The following ODAD4 variants were observed in gnomAD, a reference collection of about 807,000 sequenced individuals.
The protein encoded by ODAD4 is outer dynein arm-docking complex subunit 4.
ODAD4 carries 49 observed loss-of-function variants against 51.8 expected under a neutral mutation model. The ratio of observed to expected loss-of-function variants is 0.95; its 90% CI spans 0.75 to 1.20. The LOEUF (loss-of-function observed/expected upper bound fraction) is 1.20, where lower values mean the gene tolerates loss of function less well. ODAD4 is among the 50% of genes most tolerant of loss of function. The probability of loss-of-function intolerance (pLI) is 0.00; values close to 1 mark genes in which losing one functional copy is unlikely to be tolerated. For synonymous variants in ODAD4, 235 were observed against 221.3 expected (o/e 1.06, Z -0.55); for missense variants, 590 against 586.5 (o/e 1.01, Z -0.06).
chr17:41,930,954 C>T, intron 1 of ODAD4, 117 bp downstream of exon 1: 1 of 599,694 alleles, frequency 1.7e-6, no homozygotes, highest in South Asian at 2.0e-5. Context: ...AGTGCAATGG[C>T]ACGATCTCGG....
chr17:41,935,720 C>T lies in ODAD4; in HGVS notation c.368C>T (p.Ala123Val), dbSNP rs782427965. ...DREFRVGIQK[A>V]QEAINNSVGS... The stretch of plus-strand genomic sequence containing the variant: ...GAATTCAGAGTTGGCATTCAGAAAG[C>T]CCAGGAAGCCATCAACAACTCAGTG... Residue 123 changes from alanine (A) to valine (V), a missense_variant, in exon 3 of 12, where the codon GCC (alanine) becomes GTC (valine). This residue lies in a region of ODAD4 where 360 missense variants were observed against 407.5 expected (regional missense o/e 0.88). Transcript: ENST00000377540. The T allele has an allele frequency of 3.1e-6, 5 of 1,613,936 alleles. No homozygotes were observed. In the South Asian group the frequency reaches 5.5e-5, roughly 18 times the overall value.
chr17:41,962,253 C>T (rs2050815304), intron 11 of ODAD4, among the ~76,000 whole-genome samples: 1 of 152,158 alleles, frequency 6.6e-6, no homozygotes. Flanking sequence ...CCCCACTCTC[C>T]CCACCTGCGG....
chr17:41,947,146 G>C (rs982542920), intron 8 of ODAD4, among the ~76,000 whole-genome samples: 1 of 151,112 alleles, frequency 6.6e-6, no homozygotes, highest in South Asian at 2.1e-4. Flanking sequence ...CACTGTGCCC[G>C]GGTGTGCATT....
In ODAD4 at chr17:41,961,460, G is replaced by A. The variant is rs782647415; in HGVS notation, c.1522G>A (p.Glu508Lys). The A allele has an allele frequency of 8.3e-6, 6 of 726,652 alleles. No homozygotes were observed. Among genetic ancestry groups the A allele is most frequent in the East Asian group, 2.6e-5 (1 of 37,980 alleles). The allele number at this position is 726,652 out of a possible 1,614,324, so 45.0% of individuals were successfully genotyped here. Reference sequence around the variant, plus strand: ...CGTGGAGAATCTCAAAGAAAAAAGCGAGGGAGGTGAGTTCCTGAAACTCTG... The same window carrying A: ...CGTGGAGAATCTCAAAGAAAAAAGCAAGGGAGGTGAGTTCCTGAAACTCTG... The part of the protein sequence containing the change: ...NYVENLKEKS[E>K]GEASLYEDRI... The change falls in exon 11 of 12, where the codon GAG (glutamate) becomes AAG (lysine). Residue 508 changes from glutamate to lysine, a missense_variant. Around this residue, in one of 3 missense-constraint regions of ODAD4, gnomAD observed 226 missense variants for 162.7 expected, o/e 1.39. Transcript: ENST00000377540.
At chr17:41,937,295 G>T (rs1021473877) in intron 5 of ODAD4, among the ~76,000 whole-genome samples, 1 of 152,162 alleles carries the variant, frequency 6.6e-6, no homozygotes, top group Non-Finnish European at 1.5e-5. Context: ...GGAATCCAGC[G>T]GATATGTGCT....
At chr17:41,935,560 C>T (rs1555637622) in intron 2 of ODAD4, 39 bp from the exon 3 acceptor site, 1 of 1,592,170 alleles carries the variant, frequency 6.3e-7, no homozygotes, top group Admixed American at 1.8e-5. Context: ...CCTATAAGGC[C>T]TTATCTGTTC....
At chr17:41,941,887 G>A (rs2050512287) in intron 7 of ODAD4, among the ~76,000 whole-genome samples, 1 of 152,194 alleles carries the variant, frequency 6.6e-6, no homozygotes, top group Non-Finnish European at 1.5e-5. Flanking sequence ...TTGGACTTTG[G>A]AAGGTGCTAT....
At chr17:41,952,540 C>CAAAA (rs11369140) in intron 9 of ODAD4, 138 of 113,792 alleles carry the variant, frequency 1.2e-3, no homozygotes, top group Middle Eastern at 3.8e-3. Flanking sequence ...ACCCTCACTC[C>CAAAA]AAAAAAAAAA....
rs782039270 is a variant in ODAD4, at chr17:41,934,038, C to CTTTTTTTTT, written c.115-1166_115-1158dup. Among the ~76,000 whole-genome samples, 355 of 65,530 alleles carry CTTTTTTTTT rather than the reference C, an allele frequency of 5.4e-3. 1 individual carries two copies. Among genetic ancestry groups the CTTTTTTTTT allele is most frequent in the East Asian group, 6.9e-3 (14 of 2,030 alleles). 43.0% of individuals were successfully genotyped at this position (65,530 alleles called of 152,430 possible). On this transcript the variant is annotated intron_variant, in intron 1 of 11. Coordinates refer to ENST00000377540, the MANE Select transcript of ODAD4 (RefSeq NM_031421.5). ...CCCTTTCTTTCTTTTTTCTTTCTTTCTTTTTTTTTTTTTTTTTTTTTGAGA... is the reference window on the plus strand; with the variant it reads ...CCCTTTCTTTCTTTTTTCTTTCTTTCTTTTTTTTTTTTTTTTTTTTTTTTTTTTTTGAGA...
At chr17:41,946,887 G>T (rs1182311590) in intron 8 of ODAD4, among the ~76,000 whole-genome samples, 17 of 150,164 alleles carry the variant, frequency 1.1e-4, no homozygotes, top group African/African-American at 4.2e-4. Flanking sequence ...GTCTCGCTCT[G>T]TCCCCCACGC....
chr17:41,936,578 G>C (rs2050431154), intron 4 of ODAD4, 44 bp downstream of exon 4: 1 of 1,571,932 alleles, frequency 6.4e-7, no homozygotes, highest in Non-Finnish European at 8.8e-7. Context: ...AAGGGAAGAG[G>C]CTATGTGTGC....
chr17:41,942,690 G>A (rs902214297), intron 7 of ODAD4, among the ~76,000 whole-genome samples: 4 of 152,110 alleles, frequency 2.6e-5, no homozygotes, highest in African/African-American at 7.2e-5. Flanking sequence ...GGGACCTTGG[G>A]CAGGGCAGAA....
rs140105127 is a variant in ODAD4 at position 41,952,365 on chromosome 17, CAAAAAAAAA to C, written c.1343-2838_1343-2830del. Among the ~76,000 whole-genome samples the C allele has an allele frequency of 7.8e-4, 68 of 87,222 alleles. 1 individual carries two copies. Among genetic ancestry groups the C allele is most frequent in the African/African-American group, 3.0e-3 (63 of 20,674 alleles). The allele number at this position is 87,222 out of a possible 152,430, so 57.2% of individuals were successfully genotyped here. A position where few individuals can be genotyped will look rare whatever the true frequency, so the allele number is the denominator to read the frequency against. On this transcript the variant is annotated intron_variant, in intron 9 of 11. Coordinates refer to ENST00000377540, the MANE Select transcript of ODAD4 (RefSeq NM_031421.5). ...TCCAGGCGACTATGAGACTCTGTAT[CAAAAAAAAA>C]AAAAAAAAAAAAATTAGCTGAGTGT...
At chr17:41,961,308 G>T (rs1317728099) in intron 10 of ODAD4, 74 bp from the exon 11 acceptor site, 2 of 699,702 alleles carry the variant, frequency 2.9e-6, no homozygotes, top group Non-Finnish European at 5.3e-6. Flanking sequence ...CTGCCTTCTG[G>T]GATTGATCTG....
intron 1 of ODAD4, among the ~76,000 whole-genome samples, chr17:41,931,268 T>C (rs1411520788): frequency 6.6e-6 from 1 of 152,152 alleles, no homozygotes; most frequent in Non-Finnish European, 1.5e-5. Context: ...GTTTCTATTA[T>C]TCACTGATTT....
chr17:41,944,986 G>A (rs2050566209), intron 7 of ODAD4, 150 bp from the exon 8 acceptor site: 1 of 615,896 alleles, frequency 1.6e-6, no homozygotes, highest in Non-Finnish European at 2.8e-6. Context: ...GCACAGATGT[G>A]CCACATCCTT....
In ODAD4 at chr17:41,965,784, A is replaced by ACAGGGAGGAGAGGGGAAGGC; in HGVS notation, c.*303_*322dup. On this transcript the variant is annotated 3_prime_UTR_variant, in exon 12 of 12. Coordinates refer to ENST00000377540, the MANE Select transcript of ODAD4 (RefSeq NM_031421.5). ...CGGGCGCTACAGGGAACAAGAAGTC[A>ACAGGGAGGAGAGGGGAAGGC]CAGGGAGGAGAGGGGAAGGCCTGGG... is the stretch of plus-strand genomic sequence containing the variant. The ACAGGGAGGAGAGGGGAAGGC allele has an allele frequency of 3.2e-6, 1 of 316,246 alleles. No homozygotes were observed. The highest frequency in any genetic ancestry group is 3.3e-5 in the South Asian group (1 of 30,364). The allele number at this position is 316,246 out of a possible 1,614,324, so 19.6% of individuals were successfully genotyped here.
rs1247361133 is a variant in ODAD4, at chr17:41,954,974, A to AC, written c.1343-241dup. 18 of 606,830 alleles carry AC rather than the reference A, an allele frequency of 3.0e-5. No homozygotes were observed. In the African/African-American group the frequency reaches 3.3e-4, roughly 11 times the overall value. The allele number at this position is 606,830 out of a possible 1,614,324, so 37.6% of individuals were successfully genotyped here. A position where few individuals can be genotyped will look rare whatever the true frequency, so the allele number is the denominator to read the frequency against. On this transcript the variant is annotated intron_variant, in intron 9 of 11. Transcript: ENST00000377540. The stretch of plus-strand genomic sequence containing the variant: ...GACTGCACCACAGTCCCCTTCTCTC[A>AC]CCAACGCCTTTGAATGAGGCCCAGG...
intron 11 of ODAD4, among the ~76,000 whole-genome samples, chr17:41,962,041 G>T (rs1187966770): frequency 6.6e-6 from 1 of 152,208 alleles, no homozygotes; most frequent in African/African-American, 2.4e-5. Flanking sequence ...GAACAGCAGG[G>T]CCAGAGGCAC....
Sources: gnomAD v4.1 joint callset for allele counts (sites outside exome capture counted in the v4.1 genomes callset) on GRCh38, gnomAD v4.1.1 for gene constraint, gnomAD v4.1.1 regional missense constraint, MANE v1.5 for transcripts, NCBI Gene and HGNC (gene_info 2026-07-23, HGNC 2026-07-21) for gene names.